The following NEK10 variants were observed in gnomAD, a reference collection of about 807,000 sequenced individuals.
NEK10 encodes the protein serine/threonine-protein kinase Nek10.
In NEK10, 122 loss-of-function variants were observed where a neutral mutation model predicts 159.8. That is an observed-to-expected ratio of 0.76 (90% CI 0.66 to 0.89). NEK10 has a LOEUF of 0.89. Among genes scored for constraint, NEK10 ranks in the 40% least tolerant of loss-of-function variants. The probability of loss-of-function intolerance (pLI) is 0.00; values close to 1 mark genes in which losing one functional copy is unlikely to be tolerated. For missense variants in NEK10, 1,342 were observed against 1,323.1 expected (o/e 1.01, Z -0.22); for synonymous variants, 466 against 457.1 (o/e 1.02, Z -0.25).
chr3:27,221,267 T>A (rs1452320623), intron 23 of NEK10, among the ~76,000 whole-genome samples: 1 of 152,230 alleles, frequency 6.6e-6, no homozygotes, highest in Non-Finnish European at 1.5e-5. Context: ...ATCTGATACA[T>A]ATCTGCTTTC....
intron 23 of NEK10, among the ~76,000 whole-genome samples, chr3:27,212,358 C>G (rs13098650): frequency 0.24 from 35,793 of 151,964 alleles, 4,481 homozygotes; most frequent in Middle Eastern, 0.37. Context: ...AAAAATGCTG[C>G]ACAAACTAGA....
At position 27,140,832 on chromosome 3, in the gene NEK10, A is replaced by G. The variant is rs532023207; in HGVS notation, c.2970+650T>C. ...GTGAGTGAATGAATGAATAAACCAC[A>G]TAAGATACACAATTTTAGACTTCAA... On this transcript the variant is annotated intron_variant, in intron 31 of 35. Coordinates refer to ENST00000691995, the MANE Select transcript of NEK10 (RefSeq NM_001394966.1). Among the ~76,000 whole-genome samples, 25 of 152,334 alleles carry G rather than the reference A, an allele frequency of 1.6e-4. 1 individual carries two copies. The highest frequency in any genetic ancestry group is 5.8e-4 in the African/African-American group (24 of 41,574).
At chr3:27,217,829 A>AC (rs1387968795) in intron 23 of NEK10, among the ~76,000 whole-genome samples, 1 of 152,132 alleles carries the variant, frequency 6.6e-6, no homozygotes, top group Admixed American at 6.5e-5. Flanking sequence ...ATGTTCTAAG[A>AC]CCCCCAGTGG....
chr3:27,141,057 G>A (rs1943740191), intron 31 of NEK10, among the ~76,000 whole-genome samples: 1 of 152,090 alleles, frequency 6.6e-6, no homozygotes, highest in Non-Finnish European at 1.5e-5. Flanking sequence ...TAACAATTCT[G>A]GATTTTGTGT....
chr3:27,166,044 C>G, intron 29 of NEK10, among the ~76,000 whole-genome samples: 1 of 152,084 alleles, frequency 6.6e-6, no homozygotes, highest in Non-Finnish European at 1.5e-5. Context: ...ATAATTAAAC[C>G]TTATGAAATG....
chr3:27,217,342 A>G (rs150134319), intron 23 of NEK10, among the ~76,000 whole-genome samples: 23 of 152,350 alleles, frequency 1.5e-4, no homozygotes, highest in Non-Finnish European at 3.1e-4. Flanking sequence ...CGCACAGGCT[A>G]TAGAAGAGGC....
intron 22 of NEK10, among the ~76,000 whole-genome samples, chr3:27,257,860 C>G (rs1396500291): frequency 6.7e-6 from 1 of 148,240 alleles, no homozygotes; most frequent in Non-Finnish European, 1.5e-5. Context: ...GCAATCTCGG[C>G]TTACTGCAAG....
chr3:27,352,734 A>G, intron 2 of NEK10, 78 bp downstream of exon 2: 4 of 1,008,930 alleles, frequency 4.0e-6, no homozygotes, highest in Non-Finnish European at 6.3e-6. Context: ...AGTCTTCTCT[A>G]TTTCTCAAAA....
At chr3:27,265,893 G>A (rs886823470) in intron 22 of NEK10, among the ~76,000 whole-genome samples, 13 of 147,554 alleles carry the variant, frequency 8.8e-5, no homozygotes, top group African/African-American at 1.3e-4. Context: ...TGCAAGCTCC[G>A]CCTCCTGGGT....
At position 27,291,521 on chromosome 3, in the gene NEK10, G is replaced by A. The variant is rs1575610325; in HGVS notation, c.1439C>T (p.Ala480Val). ...DIGHYVRDIS[A>V]YEELVSKLNL... ...CAGCTTGGATACCAATTCTTCATAA[G>A]CACTGATATCACGTACATAATGCCC... is the stretch of plus-strand genomic sequence containing the variant. Residue 480 changes from alanine (A) to valine (V), a missense_variant, in exon 17 of 36, where the codon GCT (alanine) becomes GTT (valine). By Grantham distance (64) the Ala-to-Val change is moderately conservative. Transcript: ENST00000691995. 2 of 1,611,276 alleles carry A rather than the reference G, an allele frequency of 1.2e-6. No homozygotes were observed. Among genetic ancestry groups the A allele is most frequent in the Non-Finnish European group, 8.5e-7 (1 of 1,177,432 alleles).
intron 30 of NEK10, among the ~76,000 whole-genome samples, chr3:27,151,025 C>T (rs1035263496): frequency 6.6e-6 from 1 of 152,172 alleles, no homozygotes; most frequent in South Asian, 2.1e-4. Context: ...AGTCTGAGCT[C>T]TGGCACACCT....
chr3:27,332,569 T>C (rs547145856), intron 5 of NEK10, among the ~76,000 whole-genome samples: 152 of 152,328 alleles, frequency 1.0e-3, no homozygotes, highest in African/African-American at 3.6e-3. Flanking sequence ...TTCATAAAAT[T>C]CTACAACTTC....
At chr3:27,236,961 G>A (rs1425501985) in intron 23 of NEK10, among the ~76,000 whole-genome samples, 3 of 152,066 alleles carry the variant, frequency 2.0e-5, no homozygotes, top group Admixed American at 2.0e-4. Context: ...GCATATTTCT[G>A]TCCTTATCTC....
chr3:27,173,760 T>A (rs1575104421), intron 28 of NEK10, among the ~76,000 whole-genome samples: 2 of 152,206 alleles, frequency 1.3e-5, no homozygotes, highest in South Asian at 2.1e-4. Flanking sequence ...TACTCTTTTT[T>A]AAAAAAATTG....
intron 21 of NEK10, 49 bp from the exon 22 acceptor site, chr3:27,284,753 T>C (rs770708222): frequency 1.3e-6 from 2 of 1,523,726 alleles, no homozygotes; most frequent in South Asian, 1.1e-5. Context: ...AACATACATA[T>C]AGCCAAAGAT....
intron 22 of NEK10, among the ~76,000 whole-genome samples, chr3:27,271,607 G>A (rs758993815): frequency 6.6e-6 from 1 of 152,084 alleles, no homozygotes; most frequent in Non-Finnish European, 1.5e-5. Context: ...CAGACACTTG[G>A]ACAGATATCC....
At chr3:27,281,756 A>C (rs1306118405) in intron 22 of NEK10, among the ~76,000 whole-genome samples, 1 of 152,120 alleles carries the variant, frequency 6.6e-6, no homozygotes, top group Non-Finnish European at 1.5e-5. Flanking sequence ...AACAAACAAT[A>C]GTTCCATGAT....
Position 27,171,815 on chromosome 3 carries a change from C to T in NEK10, c.2831+4G>A. ...ATATTTCTAGGAGTTCAATTTGCAC[C>T]TACCTTGTTTGGGATTGTCTTTCTC... On this transcript the variant is annotated splice_donor_region_variant and intron_variant, in intron 29 of 35. Transcript: ENST00000691995. 6.2e-7 allele frequency: 1 copy of T among 1,613,562 alleles called. No homozygotes were observed. The highest frequency in any genetic ancestry group is 8.5e-7 in the Non-Finnish European group (1 of 1,179,802).
At chr3:27,198,182 C>A (rs925001678) in intron 25 of NEK10, among the ~76,000 whole-genome samples, 1 of 152,008 alleles carries the variant, frequency 6.6e-6, no homozygotes, top group Non-Finnish European at 1.5e-5. Flanking sequence ...AGAATCAATA[C>A]CATTAAAATG....
Sources: gnomAD v4.1 joint callset for allele counts (sites outside exome capture counted in the v4.1 genomes callset) on GRCh38, gnomAD v4.1.1 for gene constraint, MANE v1.5 for transcripts, NCBI Gene and HGNC (gene_info 2026-07-23, HGNC 2026-07-21) for gene names.